The following NR2F1-AS1 variants were observed in gnomAD, a reference collection of about 807,000 sequenced individuals.
The protein encoded by NR2F1-AS1 is NR2F1 antisense RNA 1.
At chr5:93,509,429 T>C (rs1751250926) in intron 4 of NR2F1-AS1, among the ~76,000 whole-genome samples, 1 of 152,088 alleles carries the variant, frequency 6.6e-6, no homozygotes, top group Admixed American at 6.5e-5. Context: ...TTTTAATTAA[T>C]TTAAATAGCC....
At chr5:93,490,904 G>T (rs1039399771) in intron 4 of NR2F1-AS1, among the ~76,000 whole-genome samples, 2 of 148,724 alleles carry the variant, frequency 1.3e-5, no homozygotes, top group Non-Finnish European at 3.0e-5. Context: ...TTGTGGTAGT[G>T]GTGGTGGTGA....
In NR2F1-AS1 at chr5:93,455,842, C is replaced by T. The variant is rs73772358; in HGVS notation, n.639-60300G>A. On this transcript the variant is annotated intron_variant and non_coding_transcript_variant, in intron 4 of 5. Transcript: ENST00000660523. Reference sequence around the variant, plus strand: ...ATTTACCATGTTAACTACACACACACGCACACACACACACACACACACACC... The same window carrying T: ...ATTTACCATGTTAACTACACACACATGCACACACACACACACACACACACC... 1.3e-3 allele frequency among the ~76,000 whole-genome samples: 183 copies of T among 141,504 alleles called. 2 individuals carry two copies. The highest frequency in any genetic ancestry group is 5.4e-3 in the African/African-American group (174 of 32,352). The allele number at this position is 141,504 out of a possible 152,430, so 92.8% of individuals were successfully genotyped here.
chr5:93,517,647 G>C (rs900258147), intron 4 of NR2F1-AS1, among the ~76,000 whole-genome samples: 3 of 152,026 alleles, frequency 2.0e-5, no homozygotes, highest in African/African-American at 7.2e-5. Context: ...TTAAAAGAAT[G>C]AAGTAGGTAC....
At position 93,552,223 on chromosome 5, in the gene NR2F1-AS1, T is replaced by C. The variant is rs561001933; in HGVS notation, n.638+1538A>G. Among the ~76,000 whole-genome samples the C allele has an allele frequency of 2.0e-5, 3 of 152,270 alleles. No homozygotes were observed. In the South Asian group the frequency reaches 6.2e-4, roughly 32 times the overall value. ...ATACAGGCTCTAGAAGAGATCTATA[T>C]CTTGGAAATGTCAGTGACAGAGGTC... On this transcript the variant is annotated intron_variant and non_coding_transcript_variant, in intron 4 of 5. Transcript: ENST00000660523.
At chr5:93,452,851 C>CA (rs1749866135) in intron 4 of NR2F1-AS1, among the ~76,000 whole-genome samples, 1 of 151,260 alleles carries the variant, frequency 6.6e-6, no homozygotes, top group Admixed American at 6.6e-5. Flanking sequence ...AAATGCATGC[C>CA]AAAAAAAGTC....
At chr5:93,539,886 T>G (rs1416293693) in intron 4 of NR2F1-AS1, among the ~76,000 whole-genome samples, 1 of 152,128 alleles carries the variant, frequency 6.6e-6, no homozygotes, top group Non-Finnish European at 1.5e-5. Flanking sequence ...TTATAATGTG[T>G]CAATTAAATT....
chr5:93,424,247 C>G (rs1185355652), intron 4 of NR2F1-AS1, among the ~76,000 whole-genome samples: 1 of 151,848 alleles, frequency 6.6e-6, no homozygotes, highest in Non-Finnish European at 1.5e-5. Flanking sequence ...CGTCCAAATG[C>G]CTAGCACACC....
At chr5:93,567,873 G>A (rs748353043) in intron 1 of NR2F1-AS1, among the ~76,000 whole-genome samples, 11 of 152,180 alleles carry the variant, frequency 7.2e-5, no homozygotes, top group Non-Finnish European at 1.6e-4. Flanking sequence ...AATAGGAGAT[G>A]AACGTTTTTA....
intron 4 of NR2F1-AS1, among the ~76,000 whole-genome samples, chr5:93,498,015 C>T (rs1751001085): frequency 6.6e-6 from 1 of 152,056 alleles, no homozygotes; most frequent in African/African-American, 2.4e-5. Flanking sequence ...TATTATGCCT[C>T]AAAGTTTCTT....
intron 1 of NR2F1-AS1, among the ~76,000 whole-genome samples, chr5:93,563,851 C>T (rs1355417904): frequency 2.0e-5 from 3 of 151,786 alleles, no homozygotes; most frequent in African/African-American, 7.3e-5. Flanking sequence ...GCCTGTAATC[C>T]CAGCACTTTG....
chr5:93,575,351 G>A (rs1046696615), intron 1 of NR2F1-AS1, among the ~76,000 whole-genome samples: 11 of 152,346 alleles, frequency 7.2e-5, no homozygotes, highest in Non-Finnish European at 1.5e-4. Flanking sequence ...ATGCCTGGAA[G>A]ACAACTTGGA....
intron 4 of NR2F1-AS1, among the ~76,000 whole-genome samples, chr5:93,515,031 G>C (rs1357469510): frequency 6.6e-6 from 1 of 151,718 alleles, no homozygotes; most frequent in Non-Finnish European, 1.5e-5. Flanking sequence ...TATCTTAAGG[G>C]AAGAACTTTA....
intron 4 of NR2F1-AS1, among the ~76,000 whole-genome samples, chr5:93,541,618 A>C (rs1751952290): frequency 6.6e-6 from 1 of 152,190 alleles, no homozygotes; most frequent in Non-Finnish European, 1.5e-5. Context: ...CTCAAAGTAT[A>C]ACTGGATATA....
At chr5:93,573,134 GAGA>G (rs1440706776) in intron 1 of NR2F1-AS1, among the ~76,000 whole-genome samples, 2 of 152,242 alleles carry the variant, frequency 1.3e-5, no homozygotes, top group East Asian at 1.9e-4. Flanking sequence ...TTTTTGCGCA[GAGA>G]AGTAGTCTTC....
At chr5:93,425,853 C>T (rs941829347) in intron 4 of NR2F1-AS1, among the ~76,000 whole-genome samples, 5 of 151,930 alleles carry the variant, frequency 3.3e-5, no homozygotes, top group African/African-American at 4.8e-5. Context: ...AATAGACTGT[C>T]TTTGTACCAC....
chr5:93,492,029 C>A (rs1249692021), intron 4 of NR2F1-AS1, among the ~76,000 whole-genome samples: 1 of 152,130 alleles, frequency 6.6e-6, no homozygotes, highest in African/African-American at 2.4e-5. Context: ...CTGACTAATA[C>A]ATCAACTAAA....
intron 4 of NR2F1-AS1, among the ~76,000 whole-genome samples, chr5:93,532,527 A>T (rs910401853): frequency 6.6e-6 from 1 of 152,200 alleles, no homozygotes; most frequent in African/African-American, 2.4e-5. Context: ...AGGCAGCCAA[A>T]GGCTTCACAA....
rs534248302 is a variant in NR2F1-AS1, at chr5:93,447,801, G to A, written n.639-52259C>T. The stretch of plus-strand genomic sequence containing the variant: ...GCAAAGACTTGGAGCCAACCCAAAT[G>A]TCCATCAATGATAGTCTGGATTAAG... On this transcript the variant is annotated intron_variant and non_coding_transcript_variant, in intron 4 of 5. Transcript: ENST00000660523. Among the ~76,000 whole-genome samples, 12 of 152,314 alleles carry A rather than the reference G, an allele frequency of 7.9e-5. No individual in the cohort carries two copies. In the East Asian group the frequency reaches 2.3e-3, roughly 29 times the overall value.
chr5:93,455,622 T>C (rs1749928336), intron 4 of NR2F1-AS1, among the ~76,000 whole-genome samples: 2 of 152,130 alleles, frequency 1.3e-5, no homozygotes, highest in Non-Finnish European at 2.9e-5. Flanking sequence ...AGATATACCA[T>C]ATAAATACGA....
Sources: allele counts gnomAD v4.1 joint callset (sites outside exome capture counted in the v4.1 genomes callset), GRCh38; gene constraint gnomAD v4.1.1; transcripts MANE v1.5; gene names NCBI Gene and HGNC (gene_info 2026-07-23, HGNC 2026-07-21).